Variants in DLG2 observed in about 807,000 individuals in gnomAD.
DLG2 encodes the protein disks large homolog 2.
DLG2 carries 45 observed loss-of-function variants against 132.5 expected under a neutral mutation model. The observed-to-expected ratio is 0.34, with a 90% CI of 0.27 to 0.44. DLG2 has a LOEUF of 0.44. Ranked by LOEUF, DLG2 falls within the 20% of genes least tolerant of loss-of-function variation. The pLI is 1.00. For synonymous variants in DLG2, 424 were observed against 419.6 expected, an observed-to-expected ratio of 1.01 and a Z score of -0.13; for missense variants, 1,045 against 1,196.9, an observed-to-expected ratio of 0.87 and a Z score of 1.87.
At chr11:83,496,697 G>A (rs760430499) in intron 21 of DLG2, among the ~76,000 whole-genome samples, 3 of 152,278 alleles carry the variant, frequency 2.0e-5, no homozygotes, top group Non-Finnish European at 4.4e-5. Context: ...AATACAGATA[G>A]ATAATTCCAA....
At chr11:85,021,671 T>G in intron 6 of DLG2, 2 of 1,086,380 alleles carry the variant, frequency 1.8e-6, no homozygotes, top group Non-Finnish European at 2.8e-6. Flanking sequence ...GATGATAAGG[T>G]TTCTCACACA....
chr11:84,702,876 G>T (rs549590285), intron 6 of DLG2, among the ~76,000 whole-genome samples: 2 of 151,530 alleles, frequency 1.3e-5, no homozygotes, highest in East Asian at 2.0e-4. Context: ...ACAGTGTCTG[G>T]CATATGAAAA....
chr11:83,780,131 T>C (rs2094753126), intron 18 of DLG2, among the ~76,000 whole-genome samples: 1 of 152,232 alleles, frequency 6.6e-6, no homozygotes, highest in South Asian at 2.1e-4. Context: ...TTCATATGCA[T>C]AAGCCTACAT....
intron 17 of DLG2, chr11:83,791,672 G>A (rs2041592977): frequency 3.2e-6 from 1 of 308,128 alleles, no homozygotes; most frequent in South Asian, 3.0e-5. Context: ...GGTGGCTCAC[G>A]CCTGTAATCC....
chr11:85,412,752 CACACACACAT>C (rs1164129973), intron 3 of DLG2, among the ~76,000 whole-genome samples: 12 of 125,430 alleles, frequency 9.6e-5, no homozygotes, highest in South Asian at 2.8e-4. Flanking sequence ...CACACACACA[CACACACACAT>C]ATATATATAT....
At position 84,502,338 on chromosome 11, in the gene DLG2, CTTTCTTTCTTTCTTTCTTTCTTTCTTTCT is replaced by C. The variant is rs2099218617; in HGVS notation, c.519+32203_519+32231del. Among the ~76,000 whole-genome samples, 9 of 31,336 alleles carry C rather than the reference CTTTCTTTCTTTCTTTCTTTCTTTCTTTCT, an allele frequency of 2.9e-4. No individual in the cohort carries two copies. In the South Asian group the frequency reaches 5.0e-3, roughly 17 times the overall value. The allele number at this position is 31,336 out of a possible 152,430, so 20.6% of individuals were successfully genotyped here. The stretch of plus-strand genomic sequence containing the variant: ...TCTTTCTTTCTTTCTTTCTTTCTTT[CTTTCTTTCTTTCTTTCTTTCTTTCTTTCT>C]TTCTTTCTTTCTTTCTTTCTTTCTT... On this transcript the variant is annotated intron_variant, in intron 7 of 27. Transcript: ENST00000376104.
intron 21 of DLG2, among the ~76,000 whole-genome samples, chr11:83,503,427 A>AGATAGATC (rs2094548480): frequency 3.9e-5 from 5 of 128,944 alleles, no homozygotes; most frequent in Non-Finnish European, 8.3e-5. Flanking sequence ...ATATATAGAT[A>AGATAGATC]GATCTAATAG....
chr11:83,870,709 G>C (rs187632095), intron 16 of DLG2, among the ~76,000 whole-genome samples: 1 of 152,018 alleles, frequency 6.6e-6, no homozygotes, highest in Admixed American at 6.6e-5. Flanking sequence ...GGTATTCAGC[G>C]GTGTGCATGC....
At chr11:83,507,503 ATCC>A (rs1369769608) in intron 21 of DLG2, among the ~76,000 whole-genome samples, 17 of 146,620 alleles carry the variant, frequency 1.2e-4, no homozygotes, top group Non-Finnish European at 1.5e-5. Flanking sequence ...ACACATATAT[ATCC>A]TCTATATATA....
chr11:84,202,575 A>G (rs889293880), intron 8 of DLG2, among the ~76,000 whole-genome samples: 16 of 152,234 alleles, frequency 1.1e-4, no homozygotes, highest in Non-Finnish European at 1.9e-4. Context: ...TTTCCTAACG[A>G]AGACACCAAA....
intron 6 of DLG2, among the ~76,000 whole-genome samples, chr11:84,704,420 T>C (rs973659434): frequency 1.3e-5 from 2 of 151,556 alleles, no homozygotes; most frequent in African/African-American, 2.4e-5. Flanking sequence ...TCTATAAAAC[T>C]ATGGGACGTT....
intron 19 of DLG2, among the ~76,000 whole-genome samples, chr11:83,564,824 C>T (rs1401660959): frequency 2.0e-5 from 3 of 151,078 alleles, no homozygotes; most frequent in African/African-American, 7.3e-5. Flanking sequence ...AAAAGTTAAT[C>T]AGCCACAAAC....
intron 15 of DLG2, among the ~76,000 whole-genome samples, chr11:83,910,200 G>C (rs1565602140): frequency 6.6e-6 from 1 of 152,150 alleles, no homozygotes; most frequent in Non-Finnish European, 1.5e-5. Flanking sequence ...CTCTGTAATA[G>C]AGTATTTGAG....
chr11:85,464,030 C>G (rs113016690), intron 3 of DLG2, among the ~76,000 whole-genome samples: 4 of 18,150 alleles, frequency 2.2e-4, no homozygotes, highest in African/African-American at 5.5e-4. Context: ...ACACGCCCCC[C>G]GAGAGAGAGA....
Position 85,595,392 on chromosome 11 carries a change from T to C in DLG2, c.40+3265A>G, listed in dbSNP as rs144571210. The stretch of plus-strand genomic sequence containing the variant: ...ATTATGGAATTCCAATTCTCTTATA[T>C]TCAAATTCTGGAAAGTGTTGATGCT... On this transcript the variant is annotated intron_variant, in intron 3 of 27. Coordinates refer to ENST00000376104, the MANE Select transcript of DLG2 (RefSeq NM_001142699.3). 2.7e-3 allele frequency among the ~76,000 whole-genome samples: 407 copies of C among 152,338 alleles called. 4 individuals are homozygous for C. The highest frequency in any genetic ancestry group is 6.8e-3 in the Middle Eastern group (2 of 294).
At chr11:84,202,512 A>C (rs2096609378) in intron 8 of DLG2, among the ~76,000 whole-genome samples, 2 of 152,152 alleles carry the variant, frequency 1.3e-5, no homozygotes, top group African/African-American at 2.4e-5. Context: ...AACTATAAAA[A>C]CCCTAGAAGA....
chr11:84,201,311 G>A (rs566144329), intron 8 of DLG2, among the ~76,000 whole-genome samples: 10 of 152,280 alleles, frequency 6.6e-5, no homozygotes, highest in Admixed American at 2.0e-4. Flanking sequence ...GACTGTAATG[G>A]ATAAGCTTTT....
intron 7 of DLG2, among the ~76,000 whole-genome samples, chr11:84,271,059 CAT>C (rs1342138235): frequency 6.6e-6 from 1 of 152,062 alleles, no homozygotes. Flanking sequence ...GCAGGGAATA[CAT>C]AGAGTACCTT....
intron 11 of DLG2, among the ~76,000 whole-genome samples, chr11:84,051,167 C>A (rs1251593176): frequency 6.6e-6 from 1 of 151,960 alleles, no homozygotes; most frequent in African/African-American, 2.4e-5. Flanking sequence ...CACTTTTACA[C>A]TGTTGGTGGG....
Sources: allele counts gnomAD v4.1 joint callset (sites outside exome capture counted in the v4.1 genomes callset), GRCh38; gene constraint gnomAD v4.1.1; transcripts MANE v1.5; gene names NCBI Gene and HGNC (gene_info 2026-07-23, HGNC 2026-07-21).